Variants in ERC2 observed in about 807,000 individuals in gnomAD.
The protein encoded by ERC2 is ERC protein 2.
A neutral mutation model predicts 114.8 loss-of-function variants in ERC2; 42 were observed. The ratio of observed to expected loss-of-function variants is 0.37; its 90% CI spans 0.29 to 0.47. The LOEUF (loss-of-function observed/expected upper bound fraction) is 0.47, where lower values mean the gene tolerates loss of function less well. ERC2 is among the 20% of genes least tolerant of loss of function. The pLI is 0.99. For missense variants in ERC2, 939 were observed against 1,150.7 expected (o/e 0.82, Z 2.66); for synonymous variants, 454 against 425.5 (o/e 1.07, Z -0.82).
intron 17 of ERC2, among the ~76,000 whole-genome samples, chr3:55,601,215 G>C (rs1446228260): frequency 6.6e-6 from 1 of 152,154 alleles, no homozygotes; most frequent in Non-Finnish European, 1.5e-5. Context: ...CAGAAAGCCA[G>C]AATCGTATAT....
At chr3:55,554,165 C>A (rs940221712) in intron 17 of ERC2, among the ~76,000 whole-genome samples, 3 of 151,870 alleles carry the variant, frequency 2.0e-5, no homozygotes, top group Non-Finnish European at 4.4e-5. Flanking sequence ...AGGGTGTAGA[C>A]GACCTGGACT....
intron 3 of ERC2, among the ~76,000 whole-genome samples, chr3:56,287,292 G>T (rs1224852719): frequency 3.9e-5 from 6 of 152,206 alleles, no homozygotes; most frequent in African/African-American, 1.4e-4. Context: ...CTTTTTGGCA[G>T]TGAGATATTC....
intron 2 of ERC2, among the ~76,000 whole-genome samples, chr3:56,338,578 T>C (rs2057956755): frequency 6.6e-6 from 1 of 150,756 alleles, no homozygotes; most frequent in Non-Finnish European, 1.5e-5. Context: ...CTGTCTTTTA[T>C]CATGTCACTT....
intron 17 of ERC2, among the ~76,000 whole-genome samples, chr3:55,528,748 A>G (rs2053491450): frequency 6.6e-6 from 1 of 152,130 alleles, no homozygotes; most frequent in Non-Finnish European, 1.5e-5. Flanking sequence ...TTCTTTATTT[A>G]AGAATTCCTT....
chr3:55,823,744 C>T (rs1202561057), intron 14 of ERC2, among the ~76,000 whole-genome samples: 1 of 152,226 alleles, frequency 6.6e-6, no homozygotes. Flanking sequence ...GATCCCATCG[C>T]TCCCATAGGG....
At chr3:56,080,096 A>G (rs1026413462) in intron 7 of ERC2, among the ~76,000 whole-genome samples, 2 of 152,104 alleles carry the variant, frequency 1.3e-5, no homozygotes, top group African/African-American at 4.8e-5. Flanking sequence ...TTTTTTTGTA[A>G]AAGAGCAGCC....
intron 17 of ERC2, among the ~76,000 whole-genome samples, chr3:55,652,627 A>C (rs554508363): frequency 3.9e-5 from 6 of 152,246 alleles, no homozygotes; most frequent in Admixed American, 3.9e-4. Flanking sequence ...TAATCCCAGC[A>C]CTTTGGGAGG....
intron 14 of ERC2, among the ~76,000 whole-genome samples, chr3:55,823,529 C>T (rs532888747): frequency 1.3e-5 from 2 of 152,202 alleles, no homozygotes; most frequent in South Asian, 2.1e-4. Context: ...CTCCTCCTCA[C>T]CCCCACAACA....
intron 17 of ERC2, among the ~76,000 whole-genome samples, chr3:55,592,264 T>G (rs1031149208): frequency 1.3e-5 from 2 of 152,238 alleles, no homozygotes; most frequent in Non-Finnish European, 2.9e-5. Flanking sequence ...CTTTGCTCAT[T>G]CATTCCATTT....
chr3:56,219,501 C>T (rs2049751771), intron 3 of ERC2, among the ~76,000 whole-genome samples: 1 of 151,870 alleles, frequency 6.6e-6, no homozygotes. Flanking sequence ...TTTCCCAAAG[C>T]TTCTAGCCCC....
intron 12 of ERC2, among the ~76,000 whole-genome samples, chr3:55,972,681 G>A (rs1156847320): frequency 2.0e-5 from 3 of 152,134 alleles, no homozygotes; most frequent in East Asian, 1.9e-4. Flanking sequence ...TAACATTGAT[G>A]GGCATTTGGG....
chr3:55,732,232 T>C (rs1331716963), intron 15 of ERC2, among the ~76,000 whole-genome samples: 1 of 152,178 alleles, frequency 6.6e-6, no homozygotes, highest in Non-Finnish European at 1.5e-5. Flanking sequence ...AAATGCTCAA[T>C]AACAGGGGGT....
At chr3:55,582,104 C>T (rs774254884) in intron 17 of ERC2, among the ~76,000 whole-genome samples, 1 of 152,160 alleles carries the variant, frequency 6.6e-6, no homozygotes, top group Admixed American at 6.5e-5. Context: ...TCACACATTG[C>T]TCAGGTCTCA....
intron 14 of ERC2, among the ~76,000 whole-genome samples, chr3:55,739,593 T>G (rs2065859321): frequency 9.6e-3 from 1 of 104 alleles, no homozygotes; most frequent in African/African-American, 0.026. Context: ...CTTTGCCCAC[T>G]TTTTGTGGGG....
At chr3:56,356,418 G>C (rs1218604468) in intron 2 of ERC2, among the ~76,000 whole-genome samples, 1 of 152,206 alleles carries the variant, frequency 6.6e-6, no homozygotes, top group Admixed American at 6.5e-5. Flanking sequence ...AGCTCATGTA[G>C]GTGGACGGAG....
chr3:56,130,044 T>A (rs1281525134), intron 6 of ERC2, among the ~76,000 whole-genome samples: 4 of 152,246 alleles, frequency 2.6e-5, no homozygotes, highest in African/African-American at 4.8e-5. Flanking sequence ...TTGGAACACT[T>A]ATAATGAGAT....
chr3:55,960,936 A>C (rs2068315846), intron 12 of ERC2, among the ~76,000 whole-genome samples: 1 of 152,224 alleles, frequency 6.6e-6, no homozygotes, highest in Non-Finnish European at 1.5e-5. Flanking sequence ...GGAGTTCGAG[A>C]CAAGCCTGGC....
At chr3:55,734,666 G>A (rs1319477342) in intron 15 of ERC2, 105 bp downstream of exon 15, 3 of 1,400,642 alleles carry the variant, frequency 2.1e-6, no homozygotes, top group Non-Finnish European at 2.9e-6. Flanking sequence ...TTAGGAGCTT[G>A]AGCCCACAGG....
intron 2 of ERC2, among the ~76,000 whole-genome samples, chr3:56,409,365 C>T (rs2060851890): frequency 6.6e-6 from 1 of 151,998 alleles, no homozygotes; most frequent in African/African-American, 2.4e-5. Context: ...GGTTAGCGTT[C>T]CTGTATTAGA....
Sources: allele counts gnomAD v4.1 joint callset (sites outside exome capture counted in the v4.1 genomes callset), GRCh38; gene constraint gnomAD v4.1.1; transcripts MANE v1.5; gene names NCBI Gene and HGNC (gene_info 2026-07-23, HGNC 2026-07-21).